The following MAP3K13 variants were observed in gnomAD, a reference collection of about 807,000 sequenced individuals.
MAP3K13 encodes mitogen-activated protein kinase kinase kinase 13, also known as leucine zipper-bearing kinase.
MAP3K13 carries 52 observed loss-of-function variants against 104.0 expected under a neutral mutation model. The ratio of observed to expected loss-of-function variants is 0.50; its 90% CI spans 0.40 to 0.63. The LOEUF (loss-of-function observed/expected upper bound fraction) is 0.63. MAP3K13 is among the 20% of genes least tolerant of loss of function. MAP3K13 has a pLI of 0.00. For synonymous variants in MAP3K13, 394 were observed against 442.2 expected (o/e 0.89, Z 1.37); for missense variants, 914 against 1,218.5 (o/e 0.75, Z 3.72).
At chr3:185,477,912 T>G (rs1718222649) in intron 12 of MAP3K13, among the ~76,000 whole-genome samples, 1 of 152,194 alleles carries the variant, frequency 6.6e-6, no homozygotes, top group Non-Finnish European at 1.5e-5. Flanking sequence ...CAGAGAGAGC[T>G]CTTCCTTCTT....
chr3:185,455,121 ATG>A (rs1319570171), intron 7 of MAP3K13, among the ~76,000 whole-genome samples: 3 of 120,724 alleles, frequency 2.5e-5, no homozygotes, highest in Non-Finnish European at 3.3e-5. Flanking sequence ...TATGAGATAT[ATG>A]TGAGATATAT....
intron 2 of MAP3K13, among the ~76,000 whole-genome samples, chr3:185,318,278 T>C (rs1296145485): frequency 6.6e-6 from 1 of 152,232 alleles, no homozygotes; most frequent in Non-Finnish European, 1.5e-5. Context: ...TGTGGTATGT[T>C]ATCCTTGGTA....
chr3:185,400,911 T>G lies in MAP3K13; in HGVS notation c.-85-27586T>G, dbSNP rs1051285371. On this transcript the variant is annotated intron_variant, in intron 1 of 13. Coordinates refer to ENST00000265026, the MANE Select transcript of MAP3K13 (RefSeq NM_004721.5). ...TAATTCTGGGTGTTTGTTTGTTTTT[T>G]TTTTTTTTTTTGTCTTCTTTTGATC... is the stretch of plus-strand genomic sequence containing the variant. 2.9e-3 allele frequency among the ~76,000 whole-genome samples: 419 copies of G among 146,588 alleles called. 1 individual carries two copies. Among genetic ancestry groups the G allele is most frequent in the African/African-American group, 9.1e-3 (370 of 40,666 alleles).
intron 1 of MAP3K13, among the ~76,000 whole-genome samples, chr3:185,389,973 A>G (rs1711944645): frequency 6.6e-6 from 1 of 152,198 alleles, no homozygotes; most frequent in Non-Finnish European, 1.5e-5. Flanking sequence ...TTAATAGATG[A>G]TAACTGGATT....
chr3:185,343,164 G>T (rs978892986), intron 2 of MAP3K13, among the ~76,000 whole-genome samples: 1 of 152,040 alleles, frequency 6.6e-6, no homozygotes, highest in Non-Finnish European at 1.5e-5. Context: ...TTACGTGCAC[G>T]TAATCATGTT....
rs1272940392 is a variant in MAP3K13, at chr3:185,465,794, C to T, written c.1436C>T (p.Ala479Val). The change falls in exon 9 of 14, where the codon GCG becomes GTG. Residue 479 changes from alanine to valine, a missense_variant. Physicochemically the swap from Ala to Val is moderately conservative, Grantham distance 64. Transcript: ENST00000265026. ...REHYERKLER[A>V]NNLYMELSAI... ...CACTATGAGCGGAAGCTTGAGCGGG[C>T]GAATAATTTATACATGGAATTGAGT... The T allele has an allele frequency of 8.1e-6, 13 of 1,613,834 alleles. No homozygotes were observed. The highest frequency in any genetic ancestry group is 4.0e-5 in the African/African-American group (3 of 74,862).
Position 185,366,913 on chromosome 3 carries a change from G to A in MAP3K13, c.-86+3545G>A, listed in dbSNP as rs547505615. On this transcript the variant is annotated intron_variant, in intron 1 of 13. Transcript: ENST00000265026. The stretch of plus-strand genomic sequence containing the variant: ...CCACTTTCTTGATAATATTGTTTAT[G>A]GTATAAAAATTTTTAATTTTGATGA... Among the ~76,000 whole-genome samples the A allele has an allele frequency of 1.5e-3, 233 of 151,998 alleles. 2 individuals carry two copies. The highest frequency in any genetic ancestry group is 5.4e-3 in the African/African-American group (226 of 41,474).
At chr3:185,287,819 T>C (rs949636203) in intron 2 of MAP3K13, among the ~76,000 whole-genome samples, 5 of 152,122 alleles carry the variant, frequency 3.3e-5, no homozygotes, top group African/African-American at 1.2e-4. Flanking sequence ...GCAAATCACC[T>C]GAGGTCGGGA....
chr3:185,460,805 T>G (rs2148912757), intron 7 of MAP3K13, among the ~76,000 whole-genome samples: 1 of 152,334 alleles, frequency 6.6e-6, no homozygotes, highest in East Asian at 1.9e-4. Flanking sequence ...ATTTCAATCT[T>G]CAGAAAGTTC....
At chr3:185,459,740 C>A (rs1716987394) in intron 7 of MAP3K13, among the ~76,000 whole-genome samples, 2 of 152,184 alleles carry the variant, frequency 1.3e-5, no homozygotes, top group East Asian at 3.9e-4. Context: ...ATGAGCCACT[C>A]CACCCGGCCG....
intron 3 of MAP3K13, among the ~76,000 whole-genome samples, chr3:185,441,804 G>C (rs1266996360): frequency 6.6e-6 from 1 of 152,092 alleles, no homozygotes; most frequent in Non-Finnish European, 1.5e-5. Flanking sequence ...CACTTTGGGA[G>C]GCTGAGGCAG....
At chr3:185,395,917 A>C (rs1287124876) in intron 1 of MAP3K13, among the ~76,000 whole-genome samples, 1 of 151,638 alleles carries the variant, frequency 6.6e-6, no homozygotes, top group African/African-American at 2.4e-5. Context: ...AGCTCAAAGC[A>C]ATCTGCCCAT....
rs1156611998 is a variant in MAP3K13 at position 185,451,399 on chromosome 3, A to G, written c.1278+4A>G. 5 of 1,607,010 alleles carry G rather than the reference A, an allele frequency of 3.1e-6. No homozygotes were observed. The African/African-American group carries it at 4.0e-5, about 13-fold the overall frequency. The stretch of plus-strand genomic sequence containing the variant: ...AGAAACTTACTTCAAGTCTCAGGTA[A>G]GTTGGGAAACTTCCTACCAGGTGCT... On this transcript the variant is annotated splice_donor_region_variant and intron_variant, in intron 7 of 13. Transcript: ENST00000265026.
At chr3:185,479,575 T>G (rs1013109304) in intron 12 of MAP3K13, among the ~76,000 whole-genome samples, 2 of 152,236 alleles carry the variant, frequency 1.3e-5, no homozygotes, top group African/African-American at 4.8e-5. Context: ...CTGATGTTTT[T>G]CAAAGGCCAG....
chr3:185,447,923 C>A lies in MAP3K13; in HGVS notation c.986C>A (p.Pro329His). ...GCGCCAGAGGTGATACGGAATGAACCTGTCTCTGAAAAAGTTGATATATGG... is the reference window on the plus strand; with the variant it reads ...GCGCCAGAGGTGATACGGAATGAACATGTCTCTGAAAAAGTTGATATATGG... ...WMAPEVIRNE[P>H]VSEKVDIWSF... The change falls in exon 5 of 14, where the codon CCT becomes CAT. Residue 329 changes from proline to histidine, a missense_variant. Transcript: ENST00000265026. The A allele has an allele frequency of 6.2e-7, 1 of 1,610,640 alleles. No individual in the cohort carries two copies. Among genetic ancestry groups the A allele is most frequent in the Non-Finnish European group, 8.5e-7 (1 of 1,179,064 alleles).
chr3:185,464,989 A>T (rs1717328198), intron 8 of MAP3K13, among the ~76,000 whole-genome samples: 1 of 151,896 alleles, frequency 6.6e-6, no homozygotes, highest in Non-Finnish European at 1.5e-5. Context: ...CCACCTATTT[A>T]TTTATTTATT....
At chr3:185,363,732 G>T (rs962455986) in intron 1 of MAP3K13, among the ~76,000 whole-genome samples, 17 of 152,250 alleles carry the variant, frequency 1.1e-4, no homozygotes, top group Non-Finnish European at 1.5e-5. Flanking sequence ...GAAAAGCGGG[G>T]CCCGCAAGAC....
Position 185,285,644 on chromosome 3 carries a change from G to T in MAP3K13, c.-86+1G>T, listed in dbSNP as rs1241035126. 1.3e-6 allele frequency: 2 copies of T among 1,534,432 alleles called. No individual in the cohort carries two copies. The highest frequency in any genetic ancestry group is 1.7e-6 in the Non-Finnish European group (2 of 1,145,320). Reference sequence around the variant, plus strand: ...TTCAAATCCTAGCACTCTGGGAGAGGTAAGTAGTTGACTGTGTTTTATGTT... The same window carrying T: ...TTCAAATCCTAGCACTCTGGGAGAGTTAAGTAGTTGACTGTGTTTTATGTT... On this transcript the variant is annotated splice_donor_variant, in intron 2 of 14. Transcript: ENST00000424227. LOFTEE classifies it low-confidence loss of function (5UTR_SPLICE).
At chr3:185,457,414 A>G (rs1473951569) in intron 7 of MAP3K13, among the ~76,000 whole-genome samples, 1 of 152,226 alleles carries the variant, frequency 6.6e-6, no homozygotes, top group East Asian at 1.9e-4. Context: ...TGAGAAGTCC[A>G]AGGCACCAGC....
Sources: allele counts gnomAD v4.1 joint callset (sites outside exome capture counted in the v4.1 genomes callset), GRCh38; gene constraint gnomAD v4.1.1; transcripts MANE v1.5; gene names NCBI Gene and HGNC (gene_info 2026-07-23, HGNC 2026-07-21).